CHRM2: variants seen among roughly 807,000 people sequenced by gnomAD.
The protein encoded by CHRM2 is muscarinic acetylcholine receptor M2.
In CHRM2, 8 loss-of-function variants were observed where a neutral mutation model predicts 25.0. The observed-to-expected ratio is 0.32, with a 90% CI of 0.19 to 0.58. The LOEUF (loss-of-function observed/expected upper bound fraction) is 0.58. CHRM2 is among the 20% of genes least tolerant of loss of function. The pLI is 0.88. For missense variants in CHRM2, 440 were observed against 567.1 expected (o/e 0.78, Z 2.28); for synonymous variants, 202 against 205.7 (o/e 0.98, Z 0.15).
At chr7:136,983,143 T>C (rs1802600102) in intron 2 of CHRM2, among the ~76,000 whole-genome samples, 2 of 152,200 alleles carry the variant, frequency 1.3e-5, no homozygotes, top group South Asian at 4.1e-4. Context: ...TTCATTCCTT[T>C]TCATTCTTTT....
chr7:137,010,104 G>A (rs1804703700), intron 3 of CHRM2, among the ~76,000 whole-genome samples: 1 of 151,992 alleles, frequency 6.6e-6, no homozygotes, highest in East Asian at 1.9e-4. Flanking sequence ...AAGAAAAAGA[G>A]GGTTATTATT....
chr7:136,958,393 T>G (rs2130881536), intron 2 of CHRM2, among the ~76,000 whole-genome samples: 1 of 152,008 alleles, frequency 6.6e-6, no homozygotes, highest in East Asian at 1.9e-4. Flanking sequence ...TCTATTGTAC[T>G]TCTTACATCT....
intron 2 of CHRM2, among the ~76,000 whole-genome samples, chr7:136,903,565 T>C (rs1316588912): frequency 2.0e-5 from 3 of 152,038 alleles, no homozygotes; most frequent in Non-Finnish European, 4.4e-5. Context: ...ATTTTAATTA[T>C]GTACAGAATG....
At chr7:136,992,614 T>G (rs1803304217) in intron 3 of CHRM2, among the ~76,000 whole-genome samples, 1 of 152,160 alleles carries the variant, frequency 6.6e-6, no homozygotes, top group Non-Finnish European at 1.5e-5. Context: ...CAAAATCTTC[T>G]GCCCTTAATG....
At chr7:136,917,668 T>C (rs1798197739) in intron 2 of CHRM2, among the ~76,000 whole-genome samples, 1 of 152,044 alleles carries the variant, frequency 6.6e-6, no homozygotes, top group Non-Finnish European at 1.5e-5. Context: ...TAAACCCAAC[T>C]GCGAATCAAT....
intron 2 of CHRM2, among the ~76,000 whole-genome samples, chr7:136,900,708 C>G: frequency 6.6e-6 from 1 of 151,938 alleles, no homozygotes; most frequent in East Asian, 1.9e-4. Flanking sequence ...GCTAAACAAT[C>G]TTTTTTTTAA....
At chr7:136,929,102 C>T (rs62485241) in intron 2 of CHRM2, among the ~76,000 whole-genome samples, 36,126 of 151,742 alleles carry the variant, frequency 0.24, 5,610 homozygotes, top group Non-Finnish European at 0.35. Flanking sequence ...GATCAATAGA[C>T]AGATCTCTAG....
At chr7:136,940,332 T>G (rs1276229135) in intron 2 of CHRM2, among the ~76,000 whole-genome samples, 3 of 152,220 alleles carry the variant, frequency 2.0e-5, no homozygotes, top group African/African-American at 7.2e-5. Context: ...GTTGAACAGA[T>G]CAGAGAGGAA....
At chr7:136,953,646 C>T (rs996312021) in intron 2 of CHRM2, among the ~76,000 whole-genome samples, 3 of 151,620 alleles carry the variant, frequency 2.0e-5, no homozygotes, top group Non-Finnish European at 4.4e-5. Flanking sequence ...CTTTTTCCTC[C>T]GAGAGCTCAT....
intron 2 of CHRM2, among the ~76,000 whole-genome samples, chr7:136,983,943 G>A (rs1802664122): frequency 6.6e-6 from 1 of 152,214 alleles, no homozygotes; most frequent in Non-Finnish European, 1.5e-5. Flanking sequence ...GAGGTAGTCT[G>A]TCCCTTGGCA....
chr7:137,011,215 G>GTTTGTATATATATATA, intron 3 of CHRM2, among the ~76,000 whole-genome samples: 1 of 134,286 alleles, frequency 7.4e-6, no homozygotes, highest in African/African-American at 3.2e-5. Context: ...GTGTGTGTGT[G>GTTTGTATATATATATA]TATATATATA....
At chr7:136,980,429 CTTTA>C (rs1036035143) in intron 2 of CHRM2, among the ~76,000 whole-genome samples, 2 of 152,122 alleles carry the variant, frequency 1.3e-5, no homozygotes, top group East Asian at 1.9e-4. Context: ...TTTGAATATC[CTTTA>C]TTTATTTCTC....
chr7:136,897,874 GCTGA>G (rs1307093088), intron 2 of CHRM2, among the ~76,000 whole-genome samples: 1 of 151,978 alleles, frequency 6.6e-6, no homozygotes, highest in Non-Finnish European at 1.5e-5. Flanking sequence ...AAACAAAAAT[GCTGA>G]CTGAAAGAAA....
At chr7:136,890,468 T>A (rs1014756270) in intron 2 of CHRM2, among the ~76,000 whole-genome samples, 6 of 152,216 alleles carry the variant, frequency 3.9e-5, no homozygotes, top group Non-Finnish European at 8.8e-5. Flanking sequence ...CAAAAGAATA[T>A]TTAGCACTCA....
chr7:137,002,257 T>C (rs775818868), intron 3 of CHRM2, among the ~76,000 whole-genome samples: 3 of 152,294 alleles, frequency 2.0e-5, no homozygotes, highest in South Asian at 4.1e-4. Flanking sequence ...TAGAGTGATA[T>C]GGTAAATGCA....
chr7:136,906,320 C>A (rs540675229), intron 2 of CHRM2, among the ~76,000 whole-genome samples: 123 of 150,530 alleles, frequency 8.2e-4, no homozygotes, highest in African/African-American at 2.8e-3. Flanking sequence ...TGTGTGCGCA[C>A]ACATATACAT....
chr7:136,923,543 G>C (rs965601019), intron 2 of CHRM2, among the ~76,000 whole-genome samples: 1 of 152,062 alleles, frequency 6.6e-6, no homozygotes, highest in African/African-American at 2.4e-5. Flanking sequence ...TTCTTAGAAA[G>C]AATTGGTCAC....
intron 3 of CHRM2, among the ~76,000 whole-genome samples, chr7:137,000,194 C>CTTTTTTTTTTTTTTT (rs57283576): frequency 1.4e-5 from 1 of 73,314 alleles, no homozygotes; most frequent in African/African-American, 5.7e-5. Flanking sequence ...CTTTTTCTTT[C>CTTTTTTTTTTTTTTT]TTTTTTTTTT....
At chr7:136,890,174 C>T (rs1796637216) in intron 2 of CHRM2, among the ~76,000 whole-genome samples, 1 of 152,142 alleles carries the variant, frequency 6.6e-6, no homozygotes, top group African/African-American at 2.4e-5. Flanking sequence ...TAAGAAATGT[C>T]TAGTAGTTTG....
Sources: allele counts gnomAD v4.1 joint callset (sites outside exome capture counted in the v4.1 genomes callset), GRCh38; gene constraint gnomAD v4.1.1; transcripts MANE v1.5; gene names NCBI Gene and HGNC (gene_info 2026-07-23, HGNC 2026-07-21).